The following SOX5 variants were observed in gnomAD, a reference collection of about 807,000 sequenced individuals.
SOX5 encodes transcription factor SOX-5.
In SOX5, 9 loss-of-function variants were observed where a neutral mutation model predicts 92.0. That is an observed-to-expected ratio of 0.10 (90% CI 0.06 to 0.17). The LOEUF (loss-of-function observed/expected upper bound fraction) is 0.17, where lower values mean the gene tolerates loss of function less well. Among genes scored for constraint, SOX5 ranks in the 10% least tolerant of loss-of-function variants. The pLI is 1.00. For missense variants in SOX5, 642 were observed against 944.5 expected, an observed-to-expected ratio of 0.68 and a Z score of 4.20; for synonymous variants, 344 against 336.3, an observed-to-expected ratio of 1.02 and a Z score of -0.25.
Position 23,846,213 on chromosome 12 carries a change from G to A in SOX5, c.271-20C>T, listed in dbSNP as rs1351250592. 2.5e-6 allele frequency: 4 copies of A among 1,574,968 alleles called. No homozygotes were observed. Among genetic ancestry groups the A allele is most frequent in the Non-Finnish European group, 3.5e-6 (4 of 1,144,824 alleles). On this transcript the variant is annotated intron_variant, in intron 2 of 14. Coordinates refer to ENST00000451604, the MANE Select transcript of SOX5 (RefSeq NM_006940.6). ...AACTTCCTGAAAGAGAAAGCAAAAT[G>A]ACAAATAATTGTTTACCTGAAAGAG...
intron 3 of SOX5, among the ~76,000 whole-genome samples, chr12:24,260,517 T>C (rs1003272310): frequency 6.6e-6 from 1 of 152,232 alleles, no homozygotes; most frequent in Non-Finnish European, 1.5e-5. Context: ...TCTTAATTGA[T>C]GTTTAATGAG....
At chr12:23,825,736 A>G (rs1187699370) in intron 3 of SOX5, among the ~76,000 whole-genome samples, 2 of 152,158 alleles carry the variant, frequency 1.3e-5, no homozygotes, top group Non-Finnish European at 2.9e-5. Context: ...ATATTTTAGA[A>G]GGTTTCATAT....
At chr12:23,774,046 C>A (rs969814036) in intron 3 of SOX5, among the ~76,000 whole-genome samples, 1 of 152,008 alleles carries the variant, frequency 6.6e-6, no homozygotes, top group Admixed American at 6.6e-5. Flanking sequence ...TTATGATGCC[C>A]ACTCGCCTTA....
chr12:24,479,799 G>C (rs1320205641), intron 1 of SOX5, among the ~76,000 whole-genome samples: 1 of 151,934 alleles, frequency 6.6e-6, no homozygotes, highest in Non-Finnish European at 1.5e-5. Flanking sequence ...CCAAGTAGCG[G>C]GGACTGCAGG....
chr12:24,434,332 C>A (rs1427297270), intron 1 of SOX5, among the ~76,000 whole-genome samples: 1 of 152,132 alleles, frequency 6.6e-6, no homozygotes, highest in African/African-American at 2.4e-5. Flanking sequence ...TTGTTTTGAG[C>A]TTTGTAAATA....
intron 13 of SOX5, among the ~76,000 whole-genome samples, chr12:23,538,660 G>C (rs1194190369): frequency 6.6e-6 from 1 of 152,096 alleles, no homozygotes; most frequent in Non-Finnish European, 1.5e-5. Context: ...TTGAACTTCA[G>C]ATCAGGGAGT....
chr12:23,986,507 C>T (rs1569408859), intron 4 of SOX5, among the ~76,000 whole-genome samples: 1 of 152,204 alleles, frequency 6.6e-6, no homozygotes, highest in East Asian at 1.9e-4. Flanking sequence ...AGATTCATTA[C>T]ATGAGTCATA....
intron 1 of SOX5, among the ~76,000 whole-genome samples, chr12:24,427,625 C>T (rs1057051579): frequency 6.6e-6 from 1 of 152,224 alleles, no homozygotes; most frequent in Non-Finnish European, 1.5e-5. Context: ...ATTCTATTTA[C>T]AGCATTATCT....
chr12:24,323,286 T>A (rs545176562), intron 2 of SOX5, among the ~76,000 whole-genome samples: 1 of 151,284 alleles, frequency 6.6e-6, no homozygotes, highest in East Asian at 1.9e-4. Flanking sequence ...CAGGTAAGGG[T>A]ATGTAGCTGA....
chr12:24,350,363 C>T (rs1193734363), intron 2 of SOX5, among the ~76,000 whole-genome samples: 3 of 152,046 alleles, frequency 2.0e-5, no homozygotes, highest in Admixed American at 2.0e-4. Flanking sequence ...ACTCTGTGGG[C>T]CAGGATGGAG....
At chr12:23,958,796 A>G (rs1388724809) in intron 4 of SOX5, among the ~76,000 whole-genome samples, 1 of 151,780 alleles carries the variant, frequency 6.6e-6, no homozygotes, top group African/African-American at 2.4e-5. Flanking sequence ...TTAATTTGTT[A>G]TACTTAGTAA....
chr12:24,376,046 C>T (rs752252107), intron 1 of SOX5, among the ~76,000 whole-genome samples: 4 of 152,142 alleles, frequency 2.6e-5, no homozygotes, highest in African/African-American at 7.2e-5. Context: ...ACCACTTCTA[C>T]GCACTGCCAG....
intron 4 of SOX5, among the ~76,000 whole-genome samples, chr12:24,024,471 T>C (rs1954654805): frequency 6.6e-6 from 1 of 152,008 alleles, no homozygotes; most frequent in Non-Finnish European, 1.5e-5. Flanking sequence ...ACCTCCCAAA[T>C]AACTGCTATG....
intron 4 of SOX5, among the ~76,000 whole-genome samples, chr12:24,134,128 T>C (rs534201668): frequency 8.5e-5 from 13 of 152,232 alleles, no homozygotes; most frequent in African/African-American, 3.1e-4. Context: ...TAAATGCAGG[T>C]GAAGAAACAT....
intron 1 of SOX5, among the ~76,000 whole-genome samples, chr12:23,922,383 C>A (rs1400027690): frequency 6.6e-6 from 1 of 152,112 alleles, no homozygotes; most frequent in African/African-American, 2.4e-5. Flanking sequence ...AAATTCAACC[C>A]CTACACAGTG....
chr12:23,809,183 T>A (rs1299114149), intron 3 of SOX5, among the ~76,000 whole-genome samples: 4 of 152,036 alleles, frequency 2.6e-5, no homozygotes. Flanking sequence ...GCACAGAACA[T>A]CTCTGGAGAT....
At chr12:23,565,234 C>T (rs1235045412) in intron 10 of SOX5, among the ~76,000 whole-genome samples, 5 of 152,106 alleles carry the variant, frequency 3.3e-5, no homozygotes, top group Admixed American at 3.3e-4. Flanking sequence ...CCTCAACATC[C>T]TAATTTGGAT....
At chr12:24,253,208 A>G (rs1166700402) in intron 3 of SOX5, among the ~76,000 whole-genome samples, 2 of 152,162 alleles carry the variant, frequency 1.3e-5, no homozygotes, top group Non-Finnish European at 2.9e-5. Context: ...TTTGAGAAAA[A>G]GATTAATATT....
At chr12:23,598,265 G>A (rs1284579275) in intron 9 of SOX5, among the ~76,000 whole-genome samples, 2 of 151,936 alleles carry the variant, frequency 1.3e-5, no homozygotes, top group African/African-American at 2.4e-5. Flanking sequence ...TATTAAATGA[G>A]GTTATGGTTA....
Sources: gnomAD v4.1 joint callset for allele counts (sites outside exome capture counted in the v4.1 genomes callset) on GRCh38, gnomAD v4.1.1 for gene constraint, MANE v1.5 for transcripts, NCBI Gene and HGNC (gene_info 2026-07-23, HGNC 2026-07-21) for gene names.